The following SGCZ variants were observed in gnomAD, a reference collection of about 807,000 sequenced individuals.
The protein encoded by SGCZ is zeta-sarcoglycan.
A neutral mutation model predicts 41.3 loss-of-function variants in SGCZ; 40 were observed. That is an observed-to-expected ratio of 0.97 (90% CI 0.75 to 1.26). The LOEUF is 1.26. Ranked by LOEUF, SGCZ falls within the 50% of genes most tolerant of loss-of-function variation. The probability of loss-of-function intolerance (pLI) is 0.00; values close to 1 mark genes in which losing one functional copy is unlikely to be tolerated. For missense variants in SGCZ, 552 were observed against 369.8 expected (o/e 1.49, Z -4.04); for synonymous variants, 206 against 137.5 (o/e 1.50, Z -3.49).
intron 2 of SGCZ, among the ~76,000 whole-genome samples, chr8:14,524,706 CCTT>C (rs1802887692): frequency 6.6e-6 from 1 of 152,090 alleles, no homozygotes; most frequent in African/African-American, 2.4e-5. Context: ...TTTGAACAAA[CCTT>C]CTCTGCACGG....
intron 1 of SGCZ, among the ~76,000 whole-genome samples, chr8:14,560,150 G>A (rs1804164371): frequency 1.3e-5 from 2 of 151,948 alleles, no homozygotes; most frequent in South Asian, 2.1e-4. Flanking sequence ...CAGAACAGTA[G>A]GGAAATTATA....
At chr8:14,107,761 CCTGA>C (rs1802251028) in intron 6 of SGCZ, among the ~76,000 whole-genome samples, 1 of 152,116 alleles carries the variant, frequency 6.6e-6, no homozygotes, top group Admixed American at 6.5e-5. Context: ...GTCTCAGCCT[CCTGA>C]CTAACTTGGA....
At chr8:14,102,584 G>C in intron 6 of SGCZ, 85 bp from the exon 7 acceptor site, 1 of 1,183,820 alleles carries the variant, frequency 8.4e-7, no homozygotes, top group Non-Finnish European at 1.1e-6. Flanking sequence ...TGATAAACTA[G>C]AAGACAACAT....
chr8:15,153,740 C>T (rs900654791), intron 1 of SGCZ, among the ~76,000 whole-genome samples: 7 of 152,158 alleles, frequency 4.6e-5, no homozygotes, highest in Non-Finnish European at 7.3e-5. Context: ...GGAAAAGTTT[C>T]TCCAAGCCTC....
At position 15,237,572 on chromosome 8, in the gene SGCZ, G is replaced by A. The variant is rs1448048876; in HGVS notation, c.39+13C>T. 8 of 1,587,136 alleles carry A rather than the reference G, an allele frequency of 5.0e-6. No individual in the cohort carries two copies. Among genetic ancestry groups the A allele is most frequent in the Non-Finnish European group, 6.9e-6 (8 of 1,164,828 alleles). ...GAGAAGCGGCCGCGAAGCCCGCCCG[G>A]ACCCGCACGTACCTTGAGCTCCTCA... On this transcript the variant is annotated intron_variant, in intron 1 of 7. Coordinates refer to ENST00000382080, the MANE Select transcript of SGCZ (RefSeq NM_139167.4).
In SGCZ at chr8:14,689,714, T is replaced by TAGGA. The variant is rs1808736140; in HGVS notation, c.40-134789_40-134788insTCCT. ...TATCTACAGCTGCACCTGCTCTTAT[T>TAGGA]TGTAGGATGAAACTGTGTAATCACT... On this transcript the variant is annotated intron_variant, in intron 1 of 7. Coordinates refer to ENST00000382080, the MANE Select transcript of SGCZ (RefSeq NM_139167.4). 3.3e-5 allele frequency among the ~76,000 whole-genome samples: 5 copies of TAGGA among 152,312 alleles called. No homozygotes were observed. In the South Asian group the frequency reaches 1.0e-3, roughly 32 times the overall value.
chr8:14,088,598 C>T lies in SGCZ; in HGVS notation c.*1845G>A, dbSNP rs939069020. Among the ~76,000 whole-genome samples, 3 of 151,528 alleles carry T rather than the reference C, an allele frequency of 2.0e-5. No homozygotes were observed. Among genetic ancestry groups the T allele is most frequent in the Non-Finnish European group, 4.4e-5 (3 of 67,776 alleles). On this transcript the variant is annotated 3_prime_UTR_variant, in exon 8 of 8. Transcript: ENST00000382080. ...CTTGTGTTATAACTTTGTAAGCAAT[C>T]GTATATCATAAATTCTTATTTCAAT...
chr8:14,264,827 G>A (rs943790230), intron 3 of SGCZ, among the ~76,000 whole-genome samples: 1 of 152,110 alleles, frequency 6.6e-6, no homozygotes, highest in Non-Finnish European at 1.5e-5. Context: ...GCCGGGCGTG[G>A]TGGCGGGCGC....
At chr8:14,258,328 T>C (rs1009319342) in intron 3 of SGCZ, among the ~76,000 whole-genome samples, 1 of 152,134 alleles carries the variant, frequency 6.6e-6, no homozygotes, top group African/African-American at 2.4e-5. Context: ...AAGAGGGCAA[T>C]GTATTAGTCC....
intron 1 of SGCZ, among the ~76,000 whole-genome samples, chr8:14,679,017 T>C (rs1254480774): frequency 6.6e-6 from 1 of 152,154 alleles, no homozygotes; most frequent in Non-Finnish European, 1.5e-5. Context: ...GCCTGTCCTA[T>C]CATAAGATTA....
At chr8:14,997,234 G>C (rs548398367) in intron 1 of SGCZ, among the ~76,000 whole-genome samples, 1 of 152,032 alleles carries the variant, frequency 6.6e-6, no homozygotes, top group African/African-American at 2.4e-5. Context: ...TTCGATTCTA[G>C]GTTCCTTTAA....
At chr8:14,793,382 T>C (rs1801020445) in intron 1 of SGCZ, among the ~76,000 whole-genome samples, 2 of 152,204 alleles carry the variant, frequency 1.3e-5, no homozygotes, top group African/African-American at 4.8e-5. Flanking sequence ...TGCACTAAGA[T>C]GGCACGTAGC....
chr8:14,494,573 A>G (rs950899574), intron 2 of SGCZ, among the ~76,000 whole-genome samples: 3 of 152,102 alleles, frequency 2.0e-5, no homozygotes, highest in Non-Finnish European at 4.4e-5. Flanking sequence ...CAGTTTTTCA[A>G]TGTTTAATCA....
At chr8:14,417,482 A>T (rs1436076235) in intron 2 of SGCZ, among the ~76,000 whole-genome samples, 2 of 151,632 alleles carry the variant, frequency 1.3e-5, no homozygotes, top group Non-Finnish European at 2.9e-5. Flanking sequence ...TCATCAGTTG[A>T]TTACTTGGTC....
chr8:14,449,902 A>G (rs1800542923), intron 2 of SGCZ, among the ~76,000 whole-genome samples: 1 of 152,208 alleles, frequency 6.6e-6, no homozygotes, highest in South Asian at 2.1e-4. Flanking sequence ...AAACAAAGTA[A>G]GAGTGAACAA....
intron 2 of SGCZ, among the ~76,000 whole-genome samples, chr8:14,501,766 CAA>C (rs912608692): frequency 8.6e-5 from 13 of 151,882 alleles, no homozygotes; most frequent in Non-Finnish European, 1.8e-4. Context: ...CTATTCCCTC[CAA>C]AATTTAGTAT....
intron 1 of SGCZ, among the ~76,000 whole-genome samples, chr8:14,600,298 T>C (rs1381480258): frequency 6.6e-6 from 1 of 152,152 alleles, no homozygotes; most frequent in East Asian, 1.9e-4. Flanking sequence ...TCTCCATCTA[T>C]TTCCTTTAAC....
At chr8:14,744,079 G>A (rs1342151328) in intron 1 of SGCZ, among the ~76,000 whole-genome samples, 1 of 151,980 alleles carries the variant, frequency 6.6e-6, no homozygotes, top group Non-Finnish European at 1.5e-5. Flanking sequence ...TTAGATGTTG[G>A]CAAGGGTTTC....
intron 2 of SGCZ, among the ~76,000 whole-genome samples, chr8:14,455,723 T>C (rs369369901): frequency 3.3e-5 from 5 of 152,188 alleles, no homozygotes; most frequent in African/African-American, 1.2e-4. Flanking sequence ...AGGAAAGTGG[T>C]TGAATAAATT....
Sources: gnomAD v4.1 joint callset for allele counts (sites outside exome capture counted in the v4.1 genomes callset) on GRCh38, gnomAD v4.1.1 for gene constraint, MANE v1.5 for transcripts, NCBI Gene and HGNC (gene_info 2026-07-23, HGNC 2026-07-21) for gene names.